The following UNC13C variants were observed in gnomAD, a reference collection of about 807,000 sequenced individuals.
UNC13C encodes unc-13 homolog C.
UNC13C carries 174 observed loss-of-function variants against 245.4 expected under a neutral mutation model. The observed-to-expected ratio is 0.71, with a 90% CI of 0.63 to 0.80. The LOEUF is 0.80. Ranked by LOEUF, UNC13C falls within the 30% of genes least tolerant of loss-of-function variation. The pLI, the probability that UNC13C is intolerant of heterozygous loss-of-function variation, is 0.00. For missense variants in UNC13C, 2,829 were observed against 2,602.9 expected (o/e 1.09, Z -1.89); for synonymous variants, 992 against 895.1 (o/e 1.11, Z -1.93).
At chr15:54,323,015 T>C (rs2038205006) in intron 14 of UNC13C, among the ~76,000 whole-genome samples, 1 of 151,740 alleles carries the variant, frequency 6.6e-6, no homozygotes, top group South Asian at 2.1e-4. Context: ...TCTCTTTTTT[T>C]TTTTTTCATG....
At chr15:54,203,839 T>G (rs1056863470) in intron 4 of UNC13C, among the ~76,000 whole-genome samples, 8 of 149,716 alleles carry the variant, frequency 5.3e-5, no homozygotes, top group Admixed American at 4.7e-4. Flanking sequence ...TATATACACA[T>G]ACATATACAC....
chr15:54,098,599 G>GT (rs1006666219), intron 2 of UNC13C, among the ~76,000 whole-genome samples: 14 of 150,970 alleles, frequency 9.3e-5, no homozygotes, highest in African/African-American at 2.4e-4. Flanking sequence ...TTCACTTCAT[G>GT]TTTTTTTTTC....
chr15:54,602,270 C>A (rs1184517923), intron 30 of UNC13C, among the ~76,000 whole-genome samples: 1 of 152,188 alleles, frequency 6.6e-6, no homozygotes, highest in Non-Finnish European at 1.5e-5. Flanking sequence ...TGTTTACACA[C>A]TACGCAGAGT....
intron 8 of UNC13C, among the ~76,000 whole-genome samples, chr15:54,255,174 G>A (rs1372076222): frequency 6.6e-6 from 1 of 152,154 alleles, no homozygotes; most frequent in Non-Finnish European, 1.5e-5. Context: ...CTTCCCGTAG[G>A]TGGCCTGTGT....
At position 54,152,898 on chromosome 15, in the gene UNC13C, C is replaced by G. The variant is rs949253087; in HGVS notation, c.3071+9214C>G. Among the ~76,000 whole-genome samples, 3 of 151,798 alleles carry G rather than the reference C, an allele frequency of 2.0e-5. No homozygotes were observed. In the East Asian group the frequency reaches 5.8e-4, roughly 29 times the overall value. ...ACACTGAGGGTGATAATTGTATTTT[C>G]CAATGAAGCATATATAGAGTATGTT... On this transcript the variant is annotated intron_variant, in intron 4 of 32. Coordinates refer to ENST00000260323, the MANE Select transcript of UNC13C (RefSeq NM_001080534.3).
chr15:54,215,885 C>T (rs1214110046), intron 4 of UNC13C, among the ~76,000 whole-genome samples: 3 of 151,926 alleles, frequency 2.0e-5, no homozygotes, highest in African/African-American at 4.8e-5. Context: ...TAATCATGTC[C>T]GTTTCATGGC....
chr15:54,125,420 G>A (rs983907187), intron 2 of UNC13C, among the ~76,000 whole-genome samples: 11 of 152,048 alleles, frequency 7.2e-5, no homozygotes, highest in South Asian at 2.1e-4. Flanking sequence ...CTGAGACTGC[G>A]CCACTGCACT....
chr15:54,469,855 C>T (rs1596439256), intron 19 of UNC13C, among the ~76,000 whole-genome samples: 1 of 151,416 alleles, frequency 6.6e-6, no homozygotes, highest in Non-Finnish European at 1.5e-5. Flanking sequence ...GAGAAGTCTT[C>T]GACTTTTTGC....
intron 2 of UNC13C, among the ~76,000 whole-genome samples, chr15:54,048,221 T>A (rs1897123094): frequency 1.3e-5 from 2 of 152,204 alleles, no homozygotes; most frequent in African/African-American, 4.8e-5. Context: ...TGCTTGATGA[T>A]TGTTCTCCTT....
intron 18 of UNC13C, among the ~76,000 whole-genome samples, chr15:54,402,509 A>C (rs1291969647): frequency 1.3e-5 from 2 of 152,136 alleles, no homozygotes; most frequent in African/African-American, 4.8e-5. Flanking sequence ...AAGGTTTGTC[A>C]TGCTTGCTGA....
At chr15:54,493,758 G>A (rs949345431) in intron 19 of UNC13C, among the ~76,000 whole-genome samples, 14 of 151,948 alleles carry the variant, frequency 9.2e-5, no homozygotes, top group African/African-American at 2.9e-4. Context: ...GTGAAAACTG[G>A]CCAAATATTA....
downstream of UNC13C, chr15:54,629,023 C>A (rs1216477223): frequency 6.6e-6 from 1 of 152,152 alleles, no homozygotes; most frequent in Non-Finnish European, 1.5e-5. Context: ...ATAGCAAACA[C>A]ATGGAACCAT....
At chr15:54,305,695 A>G (rs2037707632) in intron 13 of UNC13C, among the ~76,000 whole-genome samples, 1 of 152,066 alleles carries the variant, frequency 6.6e-6, no homozygotes, top group Non-Finnish European at 1.5e-5. Context: ...CCTGTCTCAG[A>G]AGTACTTCCT....
At chr15:54,458,680 CT>C (rs79291504) in intron 19 of UNC13C, among the ~76,000 whole-genome samples, 6,114 of 65,644 alleles carry the variant, frequency 0.093, 183 homozygotes, top group Middle Eastern at 0.17. Context: ...CCTTTAAGGT[CT>C]TTTTTTTTTT....
rs1429238302 is a variant in UNC13C at position 54,302,135 on chromosome 15, CTGTT to C, written c.4268+1768_4268+1771del. Among the ~76,000 whole-genome samples the C allele has an allele frequency of 3.3e-5, 5 of 151,904 alleles. No individual in the cohort carries two copies. In the East Asian group the frequency reaches 9.7e-4, roughly 29 times the overall value. On this transcript the variant is annotated intron_variant, in intron 13 of 32. Transcript: ENST00000260323. ...ATCCTTTGCCCACTTTGTAATGGGG[CTGTT>C]TGTTTTTTTCTTGCAAATTTGTTTA... is the stretch of plus-strand genomic sequence containing the variant.
At chr15:53,906,725 A>G in the UNC13C span, among the ~76,000 whole-genome samples, 1 of 152,188 alleles carries the variant, frequency 6.6e-6, no homozygotes, top group Non-Finnish European at 1.5e-5. Flanking sequence ...TCACACTGCT[A>G]TAAAGATACT....
At chr15:54,167,066 C>G (rs1385807226) in intron 4 of UNC13C, among the ~76,000 whole-genome samples, 1 of 152,082 alleles carries the variant, frequency 6.6e-6, no homozygotes, top group African/African-American at 2.4e-5. Context: ...TATATACTAC[C>G]TGACTCCAAG....
At chr15:54,585,166 A>G (rs1367558657) in intron 30 of UNC13C, among the ~76,000 whole-genome samples, 2 of 152,110 alleles carry the variant, frequency 1.3e-5, no homozygotes, top group Non-Finnish European at 2.9e-5. Context: ...CTCATGTTGA[A>G]ATGTGATCCT....
intron 4 of UNC13C, among the ~76,000 whole-genome samples, chr15:54,227,275 A>C (rs1419283728): frequency 6.6e-6 from 1 of 152,240 alleles, no homozygotes; most frequent in East Asian, 1.9e-4. Context: ...CGGGCCTGGA[A>C]AAAGCACCAT....
Sources: gnomAD v4.1 joint callset for allele counts (sites outside exome capture counted in the v4.1 genomes callset) on GRCh38, gnomAD v4.1.1 for gene constraint, MANE v1.5 for transcripts, NCBI Gene and HGNC (gene_info 2026-07-23, HGNC 2026-07-21) for gene names.